Variants in KIAA0586 observed in about 807,000 individuals in gnomAD.
KIAA0586 encodes the protein KIAA0586.
Under a neutral mutation model 169.8 loss-of-function variants are expected in KIAA0586, and 144 were observed. The ratio of observed to expected loss-of-function variants is 0.85; its 90% CI spans 0.74 to 0.97. The LOEUF (loss-of-function observed/expected upper bound fraction) is 0.97. Among genes scored for constraint, KIAA0586 ranks in the 50% least tolerant of loss-of-function variants. KIAA0586 has a pLI of 0.00. For synonymous variants in KIAA0586, 625 were observed against 612.4 expected (o/e 1.02, Z -0.30); for missense variants, 1,854 against 1,823.0 (o/e 1.02, Z -0.31).
At chr14:58,455,188 A>G (rs951794591) in intron 9 of KIAA0586, among the ~76,000 whole-genome samples, 6 of 152,190 alleles carry the variant, frequency 3.9e-5, no homozygotes, top group Non-Finnish European at 4.4e-5. Flanking sequence ...TCTTTTAAAA[A>G]AATGTTTTCT....
At chr14:58,430,595 AATAATAAATC>A (rs1156388906) in intron 2 of KIAA0586, 43 bp from the exon 3 acceptor site, 1 of 1,138,688 alleles carries the variant, frequency 8.8e-7, no homozygotes, top group East Asian at 2.4e-5. Flanking sequence ...GTTCTTGATA[AATAATAAATC>A]ATGAAGTTTA....
chr14:58,536,600 G>A (rs548068413), intron 29 of KIAA0586, among the ~76,000 whole-genome samples: 1 of 152,220 alleles, frequency 6.6e-6, no homozygotes, highest in East Asian at 1.9e-4. Context: ...TATTTTGAAC[G>A]ACTATTTGAA....
intron 29 of KIAA0586, among the ~76,000 whole-genome samples, chr14:58,520,128 A>T (rs2045090043): frequency 6.6e-6 from 1 of 152,166 alleles, no homozygotes; most frequent in Admixed American, 6.5e-5. Flanking sequence ...GTTCATGGGG[A>T]ATCTTTTTGA....
intron 21 of KIAA0586, among the ~76,000 whole-genome samples, chr14:58,485,177 C>T (rs900258878): frequency 4.6e-5 from 7 of 150,856 alleles, no homozygotes; most frequent in African/African-American, 1.7e-4. Flanking sequence ...CCATCTCAGC[C>T]TCCCAAAGTG....
intron 29 of KIAA0586, chr14:58,521,736 C>T (rs533276416): frequency 8.5e-5 from 71 of 830,548 alleles, no homozygotes; most frequent in Non-Finnish European, 1.3e-4. Context: ...TGAAAAGGAA[C>T]AGGGGAAACA....
intron 9 of KIAA0586, among the ~76,000 whole-genome samples, chr14:58,454,178 T>A (rs1595162863): frequency 6.6e-6 from 1 of 152,336 alleles, no homozygotes; most frequent in East Asian, 1.9e-4. Context: ...TCATTTTCTC[T>A]ACTATTATTT....
chr14:58,488,337 AT>A (rs1427863106), intron 23 of KIAA0586, among the ~76,000 whole-genome samples: 1 of 152,174 alleles, frequency 6.6e-6, no homozygotes, highest in Non-Finnish European at 1.5e-5. Flanking sequence ...TATCTATTAT[AT>A]TGTTAATAAA....
chr14:58,441,118 A>G (rs2038317930), intron 4 of KIAA0586: 1 of 212,044 alleles, frequency 4.7e-6, no homozygotes, highest in Non-Finnish European at 1.0e-5. Context: ...TTTTTTTTCA[A>G]TTATACCTCA....
At chr14:58,531,285 C>G (rs2045946772) in intron 29 of KIAA0586, among the ~76,000 whole-genome samples, 1 of 150,436 alleles carries the variant, frequency 6.6e-6, no homozygotes, top group African/African-American at 2.4e-5. Flanking sequence ...CGAGATTGCA[C>G]CACTGCACTC....
rs2043988071 is a variant in KIAA0586 at position 58,506,875 on chromosome 14, A to G, written c.4169-1680A>G. 2.7e-5 allele frequency among the ~76,000 whole-genome samples: 3 copies of G among 109,136 alleles called. No homozygotes were observed. The South Asian group carries it at 1.1e-3, about 39-fold the overall frequency. The allele number at this position is 109,136 out of a possible 152,430, so 71.6% of individuals were successfully genotyped here. On this transcript the variant is annotated intron_variant, in intron 27 of 30. Coordinates refer to ENST00000652326, the MANE Select transcript of KIAA0586 (RefSeq NM_001329943.3). ...TATTTTTTCAGGCTGGGTGCAGTGC[A>G]GTGGCTCATGCCTGTAATCCCAGCA... is the stretch of plus-strand genomic sequence containing the variant.
chr14:58,510,534 T>G (rs1048629960), intron 28 of KIAA0586, among the ~76,000 whole-genome samples: 1 of 152,178 alleles, frequency 6.6e-6, no homozygotes, highest in African/African-American at 2.4e-5. Context: ...CTTTGTTGAT[T>G]GGGAATGTAA....
Position 58,428,294 on chromosome 14 carries a change from G to C in KIAA0586, c.30G>C (p.Lys10Asn). 6.2e-7 allele frequency: 1 copy of C among 1,613,368 alleles called. No individual in the cohort carries two copies. Among genetic ancestry groups the C allele is most frequent in the Non-Finnish European group, 8.5e-7 (1 of 1,179,662 alleles). Reference protein sequence around the residue: MKGSEVSLEKKKKIKMPVKR... With the variant: MKGSEVSLENKKKIKMPVKR... The stretch of plus-strand genomic sequence containing the variant: ...AAGGCTCTGAGGTCAGCTTGGAGAA[G>C]AAAAAAAAGATTAAGATGCCAGTGA... The change falls in exon 1 of 31, where the codon AAG (lysine) becomes AAC (asparagine). Residue 10 changes from lysine to asparagine, a missense_variant. By Grantham distance (94) the Lys-to-Asn change is moderately conservative (BLOSUM62 0). Coordinates refer to ENST00000652326, the MANE Select transcript of KIAA0586 (RefSeq NM_001329943.3).
chr14:58,490,325 A>AT, intron 25 of KIAA0586, 85 bp downstream of exon 25: 1 of 666,974 alleles, frequency 1.5e-6, no homozygotes, highest in Non-Finnish European at 2.4e-6. Context: ...TTTTTTCTCA[A>AT]TTTTTTGAGT....
At chr14:58,540,226 A>T in intron 30 of KIAA0586, 90 bp downstream of exon 30, 1 of 717,678 alleles carries the variant, frequency 1.4e-6, no homozygotes, top group South Asian at 1.8e-5. Context: ...TAATCAACAC[A>T]GTAGAAATAC....
chr14:58,507,997 C>G (rs2044125300), intron 27 of KIAA0586, among the ~76,000 whole-genome samples: 1 of 152,056 alleles, frequency 6.6e-6, no homozygotes, highest in Non-Finnish European at 1.5e-5. Context: ...GTTGGCCAGG[C>G]TGGTCTCAAA....
At chr14:58,499,852 C>G (rs2043432184) in intron 27 of KIAA0586, among the ~76,000 whole-genome samples, 1 of 152,054 alleles carries the variant, frequency 6.6e-6, no homozygotes, top group African/African-American at 2.4e-5. Context: ...AGCCACCATG[C>G]CCAGCCGATG....
In KIAA0586 at chr14:58,467,269, CTAAGA is replaced by C. The variant is rs1388926392; in HGVS notation, c.2255-465_2255-461del. On this transcript the variant is annotated intron_variant, in intron 15 of 30. Transcript: ENST00000652326. The stretch of plus-strand genomic sequence containing the variant: ...ACATGGTAATATACAAATTGTATAG[CTAAGA>C]AAACTGAAGCACAAAAGGGTTACAT... Among the ~76,000 whole-genome samples the C allele has an allele frequency of 7.9e-5, 12 of 152,168 alleles. No individual in the cohort carries two copies. In the East Asian group the frequency reaches 2.3e-3, roughly 29 times the overall value.
chr14:58,451,256 C>CA (rs1297572280), intron 8 of KIAA0586, among the ~76,000 whole-genome samples: 1 of 152,074 alleles, frequency 6.6e-6, no homozygotes, highest in East Asian at 1.9e-4. Context: ...GACAAGGTCT[C>CA]ACTCTGTCAC....
intron 30 of KIAA0586, among the ~76,000 whole-genome samples, 175 bp downstream of exon 30, chr14:58,540,311 T>A (rs1806880988): frequency 6.6e-6 from 1 of 152,126 alleles, no homozygotes; most frequent in Non-Finnish European, 1.5e-5. Context: ...CCAAAAGGCG[T>A]AAGTTAGGGG....
Sources: allele counts gnomAD v4.1 joint callset (sites outside exome capture counted in the v4.1 genomes callset), GRCh38; gene constraint gnomAD v4.1.1; transcripts MANE v1.5; gene names NCBI Gene and HGNC (gene_info 2026-07-23, HGNC 2026-07-21).